Variants in CKAP5 observed in about 807,000 individuals in gnomAD.
CKAP5 encodes the protein cytoskeleton-associated protein 5.
A neutral mutation model predicts 232.8 loss-of-function variants in CKAP5; 27 were observed. That is an observed-to-expected ratio of 0.12 (90% confidence interval 0.09 to 0.16). The LOEUF (loss-of-function observed/expected upper bound fraction) is 0.16, where lower values mean the gene tolerates loss of function less well. Ranked by LOEUF, CKAP5 falls within the 10% of genes least tolerant of loss-of-function variation. The pLI, the probability that CKAP5 is intolerant of heterozygous loss-of-function variation, is 1.00. For missense variants in CKAP5, 1,838 were observed against 2,424.7 expected, an observed-to-expected ratio of 0.76 and a Z score of 5.08; for synonymous variants, 785 against 841.1, an observed-to-expected ratio of 0.93 and a Z score of 1.16.
chr11:46,823,967 C>G (rs1939599150), intron 1 of CKAP5, among the ~76,000 whole-genome samples: 1 of 152,106 alleles, frequency 6.6e-6, no homozygotes, highest in Non-Finnish European at 1.5e-5. Context: ...AATATCTATT[C>G]TGAATCAGGC....
At chr11:46,775,972 T>TA (rs991991268) in intron 24 of CKAP5, among the ~76,000 whole-genome samples, 15 of 150,148 alleles carry the variant, frequency 1.0e-4, no homozygotes, top group Admixed American at 6.0e-4. Flanking sequence ...TAAATAATAA[T>TA]AAAAAAAACA....
At chr11:46,802,132 G>A (rs931949906) in intron 8 of CKAP5, 7 of 152,150 alleles carry the variant, frequency 4.6e-5, no homozygotes, top group Non-Finnish European at 8.8e-5. Context: ...GGGAGCTTCT[G>A]GCCTTGAGGC....
chr11:46,835,259 C>CAT (rs987563672), intron 1 of CKAP5, among the ~76,000 whole-genome samples: 4 of 151,626 alleles, frequency 2.6e-5, no homozygotes, highest in Non-Finnish European at 4.4e-5. Context: ...CTTTAAAATA[C>CAT]ATATATATAT....
Position 46,795,713 on chromosome 11 carries a change from T to G in CKAP5, c.1531A>C (p.Lys511Gln). 6.2e-7 allele frequency: 1 copy of G among 1,614,124 alleles called. No individual in the cohort carries two copies. The highest frequency in any genetic ancestry group is 8.5e-7 in the Non-Finnish European group (1 of 1,179,982). Residue 511 changes from lysine (K) to glutamine (Q), a missense_variant, in exon 13 of 44, where the codon AAG (lysine) becomes CAG (glutamine). Around this residue, in one of 6 missense-constraint regions of CKAP5, gnomAD observed 767 missense variants for 954.6 expected, o/e 0.80. Transcript: ENST00000529230. Reference protein sequence around the residue: ...HGKKAGLAADKKEFKPLPGRT... With the variant: ...HGKKAGLAADQKEFKPLPGRT... ...CCAGGCAGAGGTTTGAATTCCTTCT[T>G]ATCAGCAGCTAGTCCAGCTTTCTTA...
chr11:46,831,004 G>A (rs1381062104), intron 1 of CKAP5, among the ~76,000 whole-genome samples: 1 of 152,318 alleles, frequency 6.6e-6, no homozygotes, highest in South Asian at 2.1e-4. Context: ...GGCGGAGCTT[G>A]CAGTGAGCCG....
intron 16 of CKAP5, among the ~76,000 whole-genome samples, chr11:46,786,217 A>C (rs1330466233): frequency 6.6e-6 from 1 of 152,188 alleles, no homozygotes; most frequent in Non-Finnish European, 1.5e-5. Context: ...AGGATGCTGA[A>C]TTTTAGTAAG....
chr11:46,816,040 C>T (rs1236756016), intron 4 of CKAP5, among the ~76,000 whole-genome samples, 158 bp downstream of exon 4: 1 of 150,002 alleles, frequency 6.7e-6, no homozygotes, highest in Non-Finnish European at 1.5e-5. Flanking sequence ...AGAGTGCATG[C>T]TCCTTATGAG....
intron 24 of CKAP5, among the ~76,000 whole-genome samples, chr11:46,772,690 G>C (rs893934922): frequency 6.6e-6 from 1 of 151,542 alleles, no homozygotes; most frequent in Non-Finnish European, 1.5e-5. Flanking sequence ...ACAGTGTCTT[G>C]ATTACATTAG....
intron 42 of CKAP5, among the ~76,000 whole-genome samples, chr11:46,747,109 T>C (rs745863411): frequency 5.9e-5 from 9 of 152,004 alleles, no homozygotes; most frequent in Non-Finnish European, 8.8e-5. Flanking sequence ...CATTCCAGCC[T>C]GGATGACAGA....
chr11:46,808,819 T>C (rs1293731532), intron 7 of CKAP5, among the ~76,000 whole-genome samples: 2 of 152,114 alleles, frequency 1.3e-5, no homozygotes, highest in East Asian at 3.9e-4. Flanking sequence ...CTGACAACAT[T>C]AAAAAGACCA....
chr11:46,818,804 A>G (rs1939464329), intron 2 of CKAP5, among the ~76,000 whole-genome samples: 1 of 152,202 alleles, frequency 6.6e-6, no homozygotes, highest in Non-Finnish European at 1.5e-5. Context: ...ATATTGTATT[A>G]AAGATGTGAT....
At position 46,808,132 on chromosome 11, in the gene CKAP5, A is replaced by AT. The variant is rs1592472041; in HGVS notation, c.876dup (p.Trp293MetfsTer94). On this transcript the variant is annotated frameshift_variant, in exon 8 of 44. Coordinates refer to ENST00000529230, the MANE Select transcript of CKAP5 (RefSeq NM_001008938.4). LOFTEE classifies it high-confidence loss of function. ...TCCAGGGCCTCTTTTCTCTCTTGCC[A>AT]TTTTTTTGCCTCCTGCAAGATACAA... is the stretch of plus-strand genomic sequence containing the variant. 1.2e-6 allele frequency: 2 copies of AT among 1,612,118 alleles called. No homozygotes were observed. Among genetic ancestry groups the AT allele is most frequent in the Non-Finnish European group, 1.7e-6 (2 of 1,179,134 alleles).
intron 2 of CKAP5, among the ~76,000 whole-genome samples, chr11:46,819,385 G>T (rs1592480485): frequency 6.6e-6 from 1 of 152,130 alleles, no homozygotes; most frequent in Non-Finnish European, 1.5e-5. Context: ...ATTGGAAAAG[G>T]CCAGATCATG....
intron 4 of CKAP5, among the ~76,000 whole-genome samples, chr11:46,815,931 A>T (rs2134682602): frequency 6.6e-6 from 1 of 152,302 alleles, no homozygotes; most frequent in African/African-American, 2.4e-5. Flanking sequence ...CTACCAAGCG[A>T]GAATTACCCC....
chr11:46,776,437 G>C lies in CKAP5; in HGVS notation c.2863-54C>G, dbSNP rs1386790817. The C allele has an allele frequency of 2.0e-6, 3 of 1,491,798 alleles. No individual in the cohort carries two copies. In the East Asian group the frequency reaches 6.9e-5, roughly 34 times the overall value. The allele number at this position is 1,491,798 out of a possible 1,614,324, so 92.4% of individuals were successfully genotyped here. A position where few individuals can be genotyped will look rare whatever the true frequency, so the allele number is the denominator to read the frequency against. On this transcript the variant is annotated intron_variant, in intron 23 of 43. Transcript: ENST00000529230. ...AATATCTACTACAGTTTGGAGGTAG[G>C]GGGTGATCACTGTTGCTTTATGAAC...
intron 38 of CKAP5, among the ~76,000 whole-genome samples, chr11:46,752,263 GAT>G (rs1374892675): frequency 7.4e-6 from 1 of 135,452 alleles, no homozygotes; most frequent in Non-Finnish European, 1.6e-5. Context: ...AACATATTAA[GAT>G]ATACATATAT....
intron 5 of CKAP5, among the ~76,000 whole-genome samples, chr11:46,810,738 A>T (rs958591283): frequency 3.3e-5 from 5 of 152,202 alleles, no homozygotes; most frequent in African/African-American, 7.2e-5. Flanking sequence ...AGACACTCTC[A>T]TTAGTTCATT....
intron 4 of CKAP5, among the ~76,000 whole-genome samples, chr11:46,812,352 A>T (rs1001104080): frequency 7.9e-5 from 12 of 151,970 alleles, no homozygotes; most frequent in Non-Finnish European, 1.5e-4. Context: ...AAATAAAATT[A>T]AAAAAAAGTG....
At chr11:46,747,817 T>C (rs1468288918) in intron 42 of CKAP5, among the ~76,000 whole-genome samples, 2 of 151,772 alleles carry the variant, frequency 1.3e-5, no homozygotes, top group African/African-American at 2.4e-5. Flanking sequence ...CCCAGAACTT[T>C]GGGAGGCCGA....
Sources: allele counts gnomAD v4.1 joint callset (sites outside exome capture counted in the v4.1 genomes callset), GRCh38; gene constraint gnomAD v4.1.1; regional missense constraint gnomAD v4.1.1; transcripts MANE v1.5; gene names NCBI Gene and HGNC (gene_info 2026-07-23, HGNC 2026-07-21).